Variants in ASB3 observed in about 807,000 individuals in gnomAD.
ASB3 encodes the protein ankyrin repeat and SOCS box containing 3.
A neutral mutation model predicts 54.5 loss-of-function variants in ASB3; 41 were observed. The observed-to-expected ratio is 0.75, with a 90% CI of 0.59 to 0.98. ASB3 has a LOEUF of 0.98. Ranked by LOEUF, ASB3 falls within the 50% of genes least tolerant of loss-of-function variation. The probability of loss-of-function intolerance (pLI) is 0.00; values close to 1 mark genes in which losing one functional copy is unlikely to be tolerated. For synonymous variants in ASB3, 266 were observed against 221.2 expected, an observed-to-expected ratio of 1.20 and a Z score of -1.80; for missense variants, 733 against 620.0, an observed-to-expected ratio of 1.18 and a Z score of -1.94.
chr2:53,735,054 G>A (rs1671544167), intron 3 of ASB3, among the ~76,000 whole-genome samples: 1 of 151,574 alleles, frequency 6.6e-6, no homozygotes, highest in Admixed American at 6.6e-5. Flanking sequence ...CTAGTAGCTA[G>A]GATTATAGAC....
At chr2:53,777,311 C>T (rs1674394389) in intron 1 of ASB3, among the ~76,000 whole-genome samples, 1 of 152,216 alleles carries the variant, frequency 6.6e-6, no homozygotes, top group Non-Finnish European at 1.5e-5. Flanking sequence ...TCTCCAATGA[C>T]CACTTCCTCA....
In ASB3 at chr2:53,716,467, A is replaced by G. The variant is rs1335382927; in HGVS notation, c.782+99T>C. Reference sequence around the variant, plus strand: ...CCAGCAGATTGGTAGGGAAGAGAATATCAAAGACTTTGCCTAGAGGTGAAG... The same window carrying G: ...CCAGCAGATTGGTAGGGAAGAGAATGTCAAAGACTTTGCCTAGAGGTGAAG... On this transcript the variant is annotated intron_variant, in intron 6 of 9. Transcript: ENST00000263634. 15 of 1,435,888 alleles carry G rather than the reference A, an allele frequency of 1.0e-5. No homozygotes were observed. In the East Asian group the frequency reaches 3.5e-4, roughly 33 times the overall value. The allele number at this position is 1,435,888 out of a possible 1,614,324, so 88.9% of individuals were successfully genotyped here.
rs146085399 is a variant in ASB3 at position 53,737,400 on chromosome 2, G to A, written c.356-7830C>T. ...GAATTTAAGTGGTTGAAATCTGCAG[G>A]TAAGGCCCTAGAGAAGAGTGAATTG... On this transcript the variant is annotated intron_variant, in intron 3 of 9. Transcript: ENST00000263634. Among the ~76,000 whole-genome samples the A allele has an allele frequency of 1.5e-3, 224 of 152,270 alleles. 1 individual carries two copies. Among genetic ancestry groups the A allele is most frequent in the Non-Finnish European group, 2.4e-3 (161 of 68,016 alleles).
At chr2:53,762,317 A>T (rs2104075240) in intron 2 of ASB3, among the ~76,000 whole-genome samples, 1 of 152,316 alleles carries the variant, frequency 6.6e-6, no homozygotes, top group East Asian at 1.9e-4. Flanking sequence ...GGAACAATGG[A>T]ATATTTCTAT....
rs1251812552 is a variant in ASB3 at position 53,718,383 on chromosome 2, C to T, written c.605-1640G>A. Among the ~76,000 whole-genome samples, 3 of 152,260 alleles carry T rather than the reference C, an allele frequency of 2.0e-5. No individual in the cohort carries two copies. The East Asian group carries it at 5.8e-4, about 29-fold the overall frequency. On this transcript the variant is annotated intron_variant, in intron 5 of 9. Coordinates refer to ENST00000263634, the MANE Select transcript of ASB3 (RefSeq NM_016115.5). ...ATTTTCAGCATTCTTAAAGAGAGGA[C>T]ACTACAACCAAGAATTTCATATTCC...
chr2:53,710,943 C>T (rs368432925), intron 7 of ASB3, among the ~76,000 whole-genome samples: 2 of 150,558 alleles, frequency 1.3e-5, no homozygotes, highest in African/African-American at 2.5e-5. Context: ...CTAGGCAACA[C>T]GGCAAACCCT....
chr2:53,732,614 A>G (rs989402756), intron 3 of ASB3, among the ~76,000 whole-genome samples: 1 of 152,160 alleles, frequency 6.6e-6, no homozygotes, highest in Admixed American at 6.5e-5. Flanking sequence ...AAAAATTTTC[A>G]TTTTTTTAAC....
intron 2 of ASB3, among the ~76,000 whole-genome samples, chr2:53,761,444 G>A (rs913965454): frequency 2.6e-5 from 4 of 152,030 alleles, no homozygotes; most frequent in Non-Finnish European, 4.4e-5. Flanking sequence ...AAGGCAGAAG[G>A]AGAATTCATT....
At chr2:53,682,221 T>C (rs1668413804) in intron 9 of ASB3, among the ~76,000 whole-genome samples, 1 of 152,040 alleles carries the variant, frequency 6.6e-6, no homozygotes, top group Non-Finnish European at 1.5e-5. Flanking sequence ...GTCATTGGTA[T>C]TTTGATAGGA....
intron 5 of ASB3, among the ~76,000 whole-genome samples, chr2:53,722,141 T>C (rs1670747872): frequency 1.3e-5 from 2 of 149,120 alleles, no homozygotes; most frequent in Admixed American, 1.3e-4. Flanking sequence ...GAAATTGAAA[T>C]AGACCAATAT....
Position 53,750,846 on chromosome 2 carries a change from G to C in ASB3, c.292C>G (p.Leu98Val). 2 of 1,602,942 alleles carry C rather than the reference G, an allele frequency of 1.2e-6. No homozygotes were observed. Among genetic ancestry groups the C allele is most frequent in the Non-Finnish European group, 1.7e-6 (2 of 1,174,638 alleles). The change falls in exon 3 of 10, where the codon CTT becomes GTT. Residue 98 changes from leucine to valine, a missense_variant. By Grantham distance (32) the Leu-to-Val change is conservative. Coordinates refer to ENST00000263634, the MANE Select transcript of ASB3 (RefSeq NM_016115.5). Reference protein sequence around the residue: ...SQGHWKIVQILLEAGADPNAT... With the variant: ...SQGHWKIVQIVLEAGADPNAT... Reference sequence around the variant, plus strand: ...TTAGGATCTGCCCCAGCTTCTAAAAGAATCTGTACGATTTTCCAATGTCCT... The same window carrying C: ...TTAGGATCTGCCCCAGCTTCTAAAACAATCTGTACGATTTTCCAATGTCCT...
rs1037781839 is a variant in ASB3 at position 53,756,194 on chromosome 2, T to A, written c.197-5253A>T. Among the ~76,000 whole-genome samples, 61 of 152,016 alleles carry A rather than the reference T, an allele frequency of 4.0e-4. 1 individual carries two copies. The East Asian group carries it at 4.4e-3, about 11-fold the overall frequency. On this transcript the variant is annotated intron_variant, in intron 2 of 9. Coordinates refer to ENST00000263634, the MANE Select transcript of ASB3 (RefSeq NM_016115.5). ...AAAAAAATTTTTTTAATTAAAAAAATAAAAATAAGGTAAGTCTAGAACTTC... is the reference window on the plus strand; with the variant it reads ...AAAAAAATTTTTTTAATTAAAAAAAAAAAAATAAGGTAAGTCTAGAACTTC...
At chr2:53,721,398 CA>C (rs1195017138) in intron 5 of ASB3, among the ~76,000 whole-genome samples, 28,204 of 87,396 alleles carry the variant, frequency 0.32, 3,214 homozygotes, top group East Asian at 0.54. Flanking sequence ...TACTAAACTA[CA>C]AAAAAAAAAA....
chr2:53,671,811 A>G (rs2103617594), intron 9 of ASB3, among the ~76,000 whole-genome samples: 1 of 117,982 alleles, frequency 8.5e-6, no homozygotes, highest in Admixed American at 7.4e-5. Context: ...TCCAAGATGA[A>G]AAGTGTTAAA....
At chr2:53,782,840 G>C (rs1288094374) in intron 1 of ASB3, among the ~76,000 whole-genome samples, 2 of 151,918 alleles carry the variant, frequency 1.3e-5, no homozygotes, top group Non-Finnish European at 2.9e-5. Context: ...AGGCTGGAGT[G>C]CAATGGCGCA....
At chr2:53,739,043 G>A (rs1278972182) in intron 3 of ASB3, among the ~76,000 whole-genome samples, 1 of 152,164 alleles carries the variant, frequency 6.6e-6, no homozygotes, top group Non-Finnish European at 1.5e-5. Context: ...TAGTATGGAA[G>A]AAATCTCTAA....
At chr2:53,717,310 G>A (rs1670453172) in intron 5 of ASB3, among the ~76,000 whole-genome samples, 1 of 152,106 alleles carries the variant, frequency 6.6e-6, no homozygotes, top group Non-Finnish European at 1.5e-5. Flanking sequence ...TTCAGGCTAA[G>A]ATTTATGAAA....
At chr2:53,691,810 A>T (rs534450548) in intron 9 of ASB3, among the ~76,000 whole-genome samples, 34 of 152,304 alleles carry the variant, frequency 2.2e-4, no homozygotes, top group African/African-American at 7.9e-4. Context: ...AAATTCCAGC[A>T]TTGTAATGGT....
intron 9 of ASB3, among the ~76,000 whole-genome samples, chr2:53,672,507 T>A (rs1489594003): frequency 1.3e-5 from 2 of 152,176 alleles, no homozygotes; most frequent in African/African-American, 4.8e-5. Flanking sequence ...GTAGATTGAC[T>A]ATGTTCAACT....
Sources: gnomAD v4.1 joint callset for allele counts (sites outside exome capture counted in the v4.1 genomes callset) on GRCh38, gnomAD v4.1.1 for gene constraint, MANE v1.5 for transcripts, NCBI Gene and HGNC (gene_info 2026-07-23, HGNC 2026-07-21) for gene names.